Variants in RAP1GAP observed in about 807,000 individuals in gnomAD.
RAP1GAP encodes the protein RAP1 GTPase activating protein.
A neutral mutation model predicts 87.2 loss-of-function variants in RAP1GAP; 35 were observed. The observed-to-expected ratio is 0.40, with a 90% CI of 0.31 to 0.53. The LOEUF (loss-of-function observed/expected upper bound fraction) is 0.53. Ranked by LOEUF, RAP1GAP falls within the 20% of genes least tolerant of loss-of-function variation. The pLI is 0.48. For synonymous variants in RAP1GAP, 375 were observed against 363.9 expected, an observed-to-expected ratio of 1.03 and a Z score of -0.35; for missense variants, 734 against 898.9, an observed-to-expected ratio of 0.82 and a Z score of 2.35.
rs956078864 is a variant in RAP1GAP, at chr1:21,634,070, G to T, written c.-112-7673C>A. ...AACTGCCCCCTCCCGGGGGGGGGGG[G>T]GGGCCACAGAAGCCCATTGTTTTCT... On this transcript the variant is annotated intron_variant, in intron 2 of 24. Coordinates refer to ENST00000374765, the MANE Select transcript of RAP1GAP (RefSeq NM_002885.4). The surrounding 1 kb of genome is among the most constrained non-coding windows in gnomAD (Gnocchi z 4.1). Among the ~76,000 whole-genome samples, 149 of 131,728 alleles carry T rather than the reference G, an allele frequency of 1.1e-3. No homozygotes were observed. Among genetic ancestry groups the T allele is most frequent in the Non-Finnish European group, 1.9e-3 (111 of 58,680 alleles). The allele number at this position is 131,728 out of a possible 152,430, so 86.4% of individuals were successfully genotyped here.
intron 2 of RAP1GAP, among the ~76,000 whole-genome samples, chr1:21,637,992 A>AAC (rs58298436): frequency 1.3e-5 from 2 of 148,476 alleles, no homozygotes; most frequent in Non-Finnish European, 3.0e-5. Flanking sequence ...AAAAAAAAAA[A>AAC]CCACAAAAAT....
At position 21,606,204 on chromosome 1, in the gene RAP1GAP, AG is replaced by A; in HGVS notation, c.1297-8del. 1.3e-6 allele frequency: 2 copies of A among 1,574,830 alleles called. No homozygotes were observed. The highest frequency in any genetic ancestry group is 1.7e-6 in the Non-Finnish European group (2 of 1,161,984). On this transcript the variant is annotated splice_polypyrimidine_tract_variant and splice_region_variant and intron_variant, in intron 17 of 24. Transcript: ENST00000374765. ...TGCGGCTCCGGATGACCCGCTGTGAAGGGGGTGGCAGTGGAGGAGGCACAGG... is the reference window on the plus strand; with the variant it reads ...TGCGGCTCCGGATGACCCGCTGTGAAGGGGTGGCAGTGGAGGAGGCACAGG...
intron 2 of RAP1GAP, among the ~76,000 whole-genome samples, chr1:21,628,587 G>A (rs1446849518): frequency 6.6e-6 from 1 of 152,134 alleles, no homozygotes; most frequent in Non-Finnish European, 1.5e-5. Flanking sequence ...GGGCATGGTG[G>A]TGCACGCCTA....
At chr1:21,662,026 CTG>C (rs899797002) in intron 1 of RAP1GAP, among the ~76,000 whole-genome samples, 1 of 152,236 alleles carries the variant, frequency 6.6e-6, no homozygotes, top group African/African-American at 2.4e-5. Flanking sequence ...GCAGGCATCA[CTG>C]GGAATCTCAG....
chr1:21,653,543 A>ACTTCCTTCCTTCCTTCCTTCCTTC (rs71569840), intron 1 of RAP1GAP, among the ~76,000 whole-genome samples: 2 of 124,158 alleles, frequency 1.6e-5, no homozygotes, highest in Admixed American at 7.7e-5. Context: ...GAAGGGAGGA[A>ACTTCCTTCCTTCCTTCCTTCCTTC]CTTCCTTCCT....
At chr1:21,626,547 G>A (rs829409) in intron 2 of RAP1GAP, 150 bp from the exon 3 acceptor site, 63,244 of 660,978 alleles carry the variant, frequency 0.096, 4,809 homozygotes, top group African/African-American at 0.32. Flanking sequence ...GGGAGAGGAG[G>A]GGCTTCATTA....
At chr1:21,614,139 C>T (rs1402594037) in intron 7 of RAP1GAP, 50 bp from the exon 8 acceptor site, 1 of 1,339,530 alleles carries the variant, frequency 7.5e-7, no homozygotes, top group Non-Finnish European at 1.0e-6. Context: ...GAGCATGGGG[C>T]TTTTGGAAAC....
chr1:21,600,005 G>T (rs1767444), intron 20 of RAP1GAP, among the ~76,000 whole-genome samples: 2 of 151,914 alleles, frequency 1.3e-5, no homozygotes, highest in Admixed American at 1.3e-4. Context: ...TTATCTTATC[G>T]CTATGATTAT....
In RAP1GAP at chr1:21,661,124, T is replaced by C. The variant is rs548397846; in HGVS notation, c.-149+8130A>G. Among the ~76,000 whole-genome samples, 3 of 152,194 alleles carry C rather than the reference T, an allele frequency of 2.0e-5. No homozygotes were observed. In the South Asian group the frequency reaches 6.2e-4, roughly 32 times the overall value. ...AAAATTAGCTGGGCGTAGTGGTGCA[T>C]GCCTGTAGTCCTGGCTACTCAGCAG... On this transcript the variant is annotated intron_variant, in intron 1 of 24. Coordinates refer to ENST00000374765, the MANE Select transcript of RAP1GAP (RefSeq NM_002885.4).
intron 19 of RAP1GAP, among the ~76,000 whole-genome samples, chr1:21,602,125 C>T (rs1252740256): frequency 6.6e-6 from 1 of 152,232 alleles, no homozygotes; most frequent in African/African-American, 2.4e-5. Flanking sequence ...ACCCAGGACT[C>T]ACAGCATGCG....
chr1:21,598,074 G>T lies in RAP1GAP; in HGVS notation c.1880-10C>A. 6.7e-7 allele frequency: 1 copy of T among 1,490,616 alleles called. No homozygotes were observed. Among genetic ancestry groups the T allele is most frequent in the East Asian group, 2.4e-5 (1 of 42,098 alleles). The allele number at this position is 1,490,616 out of a possible 1,614,324, so 92.3% of individuals were successfully genotyped here. ...GGTGATCGAGAGGGGCCTGGGGAGGGGGGCAGGAGGGAGCCACCTCACTGG... is the reference window on the plus strand; with the variant it reads ...GGTGATCGAGAGGGGCCTGGGGAGGTGGGCAGGAGGGAGCCACCTCACTGG... On this transcript the variant is annotated splice_polypyrimidine_tract_variant and intron_variant, in intron 22 of 24. Transcript: ENST00000374765.
At chr1:21,612,166 C>G in intron 10 of RAP1GAP, 57 bp from the exon 11 acceptor site, 2 of 1,375,788 alleles carry the variant, frequency 1.5e-6, no homozygotes, top group Non-Finnish European at 2.0e-6. Flanking sequence ...ATTCGACGTG[C>G]TCTTCCCCCG....
At position 21,603,673 on chromosome 1, in the gene RAP1GAP, G is replaced by A. The variant is rs764072903; in HGVS notation, c.1429-760C>T. 8 of 808,312 alleles carry A rather than the reference G, an allele frequency of 9.9e-6. No individual in the cohort carries two copies. Among genetic ancestry groups the A allele is most frequent in the Non-Finnish European group, 1.7e-5 (8 of 459,342 alleles). The allele number at this position is 808,312 out of a possible 1,614,324, so 50.1% of individuals were successfully genotyped here. A position where few individuals can be genotyped will look rare whatever the true frequency, so the allele number is the denominator to read the frequency against. ...GCACAGGTACCAGGCCCCAAAGCAG[G>A]TGCTGAGTGCCATCGGAGCTGCCGC... is the stretch of plus-strand genomic sequence containing the variant. On this transcript the variant is annotated intron_variant, in intron 18 of 24. Transcript: ENST00000374765. The surrounding 1 kb of genome is among the most constrained non-coding windows in gnomAD (Gnocchi z 6.0).
intron 2 of RAP1GAP, among the ~76,000 whole-genome samples, chr1:21,648,436 C>CA (rs1178198374): frequency 6.6e-6 from 1 of 152,200 alleles, no homozygotes; most frequent in Non-Finnish European, 1.5e-5. Flanking sequence ...GATCAAGGTT[C>CA]AAATCCCAAC....
At chr1:21,650,795 C>T (rs2096504263) in intron 1 of RAP1GAP, among the ~76,000 whole-genome samples, 1 of 152,212 alleles carries the variant, frequency 6.6e-6, no homozygotes, top group African/African-American at 2.4e-5. Flanking sequence ...GCTAGCAAGA[C>T]CCCATATGGA....
intron 1 of RAP1GAP, among the ~76,000 whole-genome samples, chr1:21,660,440 T>G (rs1367049358): frequency 6.7e-6 from 1 of 149,860 alleles, no homozygotes; most frequent in Non-Finnish European, 1.5e-5. Flanking sequence ...TTCAAGCGAT[T>G]CTCTCGCTTC....
chr1:21,599,437 A>T, intron 21 of RAP1GAP, 57 bp downstream of exon 21: 7 of 1,563,708 alleles, frequency 4.5e-6, no homozygotes, highest in South Asian at 1.2e-5. Context: ...ATCTCCAGGG[A>T]CCAAAGAGCC....
At chr1:21,653,465 T>TG (rs901382133) in intron 1 of RAP1GAP, among the ~76,000 whole-genome samples, 4 of 152,158 alleles carry the variant, frequency 2.6e-5, no homozygotes, top group African/African-American at 9.6e-5. Context: ...TGTAGAGTCC[T>TG]GGGGGGAGGA....
At chr1:21,637,460 C>T (rs1325311486) in intron 2 of RAP1GAP, among the ~76,000 whole-genome samples, 3 of 152,108 alleles carry the variant, frequency 2.0e-5, no homozygotes, top group East Asian at 3.9e-4. Flanking sequence ...AGCCCCACAT[C>T]TGGAATTCTT....
Sources: gnomAD v4.1 joint callset for allele counts (sites outside exome capture counted in the v4.1 genomes callset) on GRCh38, gnomAD v4.1.1 for gene constraint, Gnocchi (gnomAD v3.1) non-coding constraint, MANE v1.5 for transcripts, NCBI Gene and HGNC (gene_info 2026-07-23, HGNC 2026-07-21) for gene names.